The following TRAPPC10 variants were observed in gnomAD, a reference collection of about 807,000 sequenced individuals.
TRAPPC10 encodes the protein TRAPP 130 kDa subunit.
A neutral mutation model predicts 125.5 loss-of-function variants in TRAPPC10; 23 were observed. The ratio of observed to expected loss-of-function variants is 0.18; its 90% CI spans 0.13 to 0.26. The LOEUF (loss-of-function observed/expected upper bound fraction) is 0.26, where lower values mean the gene tolerates loss of function less well. TRAPPC10 is among the 10% of genes least tolerant of loss of function. The probability of loss-of-function intolerance (pLI) is 1.00; values close to 1 mark genes in which losing one functional copy is unlikely to be tolerated. For missense variants in TRAPPC10, 1,123 were observed against 1,308.4 expected, an observed-to-expected ratio of 0.86 and a Z score of 2.19; for synonymous variants, 509 against 518.0, an observed-to-expected ratio of 0.98 and a Z score of 0.24.
At chr21:44,061,025 C>T (rs924139092) in intron 6 of TRAPPC10, among the ~76,000 whole-genome samples, 20 of 151,984 alleles carry the variant, frequency 1.3e-4, no homozygotes, top group Non-Finnish European at 2.1e-4. Context: ...GCAACCTTCT[C>T]CTCCTGATTT....
At position 44,088,082 on chromosome 21, in the gene TRAPPC10, T is replaced by C. The variant is rs2038273729; in HGVS notation, c.2769+154T>C. ...TTTAGCAGTTCTGTCTGTCTGTGAA[T>C]CACCCTTTCTTAGATAAGGGGTGCA... On this transcript the variant is annotated intron_variant, in intron 17 of 22. Coordinates refer to ENST00000291574, the MANE Select transcript of TRAPPC10 (RefSeq NM_003274.5). The C allele has an allele frequency of 4.4e-6, 3 of 678,614 alleles. No individual in the cohort carries two copies. In the African/African-American group the frequency reaches 5.4e-5, roughly 12 times the overall value. 42.0% of individuals were successfully genotyped at this position (678,614 alleles called of 1,614,324 possible). A position where few individuals can be genotyped will look rare whatever the true frequency, so the allele number is the denominator to read the frequency against.
chr21:44,043,459 G>C lies in TRAPPC10; in HGVS notation c.285+5532G>C, dbSNP rs188285042. 1.2e-3 allele frequency among the ~76,000 whole-genome samples: 181 copies of C among 152,064 alleles called. No homozygotes were observed. The South Asian group carries it at 0.021, about 17-fold the overall frequency. On this transcript the variant is annotated intron_variant, in intron 3 of 22. Transcript: ENST00000291574. The stretch of plus-strand genomic sequence containing the variant: ...AAACTCCTGACCTCGTGATCCACCC[G>C]CCTCGGCATCCCAAAGTGCTGGGAT...
intron 5 of TRAPPC10, among the ~76,000 whole-genome samples, chr21:44,057,515 C>T (rs1291092994): frequency 6.6e-6 from 1 of 152,086 alleles, no homozygotes; most frequent in Non-Finnish European, 1.5e-5. Flanking sequence ...CCAGGCTGGT[C>T]TCAAACTCCT....
chr21:44,081,708 G>A (rs964285732), intron 13 of TRAPPC10, among the ~76,000 whole-genome samples: 13 of 152,220 alleles, frequency 8.5e-5, no homozygotes, highest in South Asian at 4.1e-4. Context: ...GCAACATGGC[G>A]AAACCCTGTC....
At chr21:44,061,086 C>T (rs1159515062) in intron 6 of TRAPPC10, among the ~76,000 whole-genome samples, 2 of 151,922 alleles carry the variant, frequency 1.3e-5, no homozygotes, top group South Asian at 2.1e-4. Flanking sequence ...TACAGGTGCG[C>T]ACCACCACGC....
chr21:44,092,099 T>C, intron 19 of TRAPPC10, 50 bp downstream of exon 19: 3 of 1,602,664 alleles, frequency 1.9e-6, no homozygotes, highest in Non-Finnish European at 2.6e-6. Context: ...AGAACCAGAG[T>C]GTACGGAAAT....
In TRAPPC10 at chr21:44,064,824, C is replaced by G. The variant is rs181508387; in HGVS notation, c.1038+1039C>G. Among the ~76,000 whole-genome samples, 500 of 152,258 alleles carry G rather than the reference C, an allele frequency of 3.3e-3. 3 individuals are homozygous for G. The highest frequency in any genetic ancestry group is 0.011 in the African/African-American group (473 of 41,536). Reference sequence around the variant, plus strand: ...CAGAGCTAAGCTCATTAGTACCTAGCCCAAGTCACAAACTCAGAAACTTAA... The same window carrying G: ...CAGAGCTAAGCTCATTAGTACCTAGGCCAAGTCACAAACTCAGAAACTTAA... On this transcript the variant is annotated intron_variant, in intron 7 of 22. Transcript: ENST00000291574.
At chr21:44,095,426 C>T (rs1365147896) in intron 20 of TRAPPC10, among the ~76,000 whole-genome samples, 3 of 150,338 alleles carry the variant, frequency 2.0e-5, no homozygotes, top group African/African-American at 7.4e-5. Flanking sequence ...TTTGTAGAGG[C>T]GGTGTTTCTC....
intron 7 of TRAPPC10, among the ~76,000 whole-genome samples, chr21:44,064,194 A>C (rs1329033644): frequency 6.6e-6 from 1 of 152,224 alleles, no homozygotes; most frequent in Non-Finnish European, 1.5e-5. Context: ...TTGTCTTTTC[A>C]GATAAATAGT....
chr21:44,012,389 G>T lies in TRAPPC10; in HGVS notation c.-105G>T. ...AACCGGCTCCGGAGCTGCCTGGCGC[G>T]GCCGGGCGGGCGGCGCCGCTCAGGC... On this transcript the variant is annotated 5_prime_UTR_variant, in exon 1 of 23. Coordinates refer to ENST00000291574, the MANE Select transcript of TRAPPC10 (RefSeq NM_003274.5). 2 of 616,966 alleles carry T rather than the reference G, an allele frequency of 3.2e-6. No homozygotes were observed. Among genetic ancestry groups the T allele is most frequent in the Non-Finnish European group, 4.1e-6 (2 of 492,096 alleles). 38.2% of individuals were successfully genotyped at this position (616,966 alleles called of 1,614,324 possible). A position where few individuals can be genotyped will look rare whatever the true frequency, so the allele number is the denominator to read the frequency against.
intron 1 of TRAPPC10, among the ~76,000 whole-genome samples, chr21:44,017,962 A>G (rs2032058450): frequency 6.6e-6 from 1 of 152,082 alleles, no homozygotes; most frequent in African/African-American, 2.4e-5. Context: ...GCCTAGGTAC[A>G]CAGTTTGGGA....
intron 20 of TRAPPC10, among the ~76,000 whole-genome samples, chr21:44,095,365 C>T (rs2038861210): frequency 6.6e-6 from 1 of 151,120 alleles, no homozygotes; most frequent in Non-Finnish European, 1.5e-5. Context: ...CCTGCCTCAG[C>T]CTCCTGCGTA....
intron 5 of TRAPPC10, among the ~76,000 whole-genome samples, chr21:44,058,280 C>T (rs937625430): frequency 4.6e-5 from 7 of 152,068 alleles, no homozygotes; most frequent in Non-Finnish European, 1.0e-4. Context: ...AGGAGGTGTT[C>T]CAGGCCATGG....
chr21:44,074,515 C>T (rs1231716649), intron 8 of TRAPPC10, 45 bp downstream of exon 8: 4 of 1,611,288 alleles, frequency 2.5e-6, no homozygotes, highest in Admixed American at 1.7e-5. Context: ...GTCTCTGCGG[C>T]CATGCCTGGG....
chr21:44,061,654 G>T (rs969584355), intron 6 of TRAPPC10, among the ~76,000 whole-genome samples: 12 of 152,110 alleles, frequency 7.9e-5, no homozygotes, highest in Admixed American at 3.9e-4. Flanking sequence ...GGCAATAACT[G>T]GTGCATACAT....
chr21:44,064,302 TATGTG>T (rs1374188036), intron 7 of TRAPPC10, among the ~76,000 whole-genome samples: 11 of 128,396 alleles, frequency 8.6e-5, no homozygotes, highest in Non-Finnish European at 7.8e-5. Flanking sequence ...ATGTCATAAA[TATGTG>T]TGTGTGTGTG....
At chr21:44,027,341 G>A (rs1281328053) in intron 1 of TRAPPC10, among the ~76,000 whole-genome samples, 2 of 152,134 alleles carry the variant, frequency 1.3e-5, no homozygotes, top group East Asian at 3.8e-4. Flanking sequence ...TTTTGTATGA[G>A]TAAGACCATC....
intron 5 of TRAPPC10, among the ~76,000 whole-genome samples, chr21:44,058,419 A>G (rs1227670530): frequency 2.6e-5 from 4 of 152,036 alleles, no homozygotes; most frequent in Non-Finnish European, 5.9e-5. Flanking sequence ...GGTGGGGGAC[A>G]TAGATTTTGC....
chr21:44,034,332 A>ACCCCCCCCCCCC (rs71197877), intron 2 of TRAPPC10, among the ~76,000 whole-genome samples: 5 of 101,548 alleles, frequency 4.9e-5, no homozygotes, highest in African/African-American at 7.0e-5. Flanking sequence ...CACTCCCCCA[A>ACCCCCCCCCCCC]CCCCCCCCCC....
Sources: allele counts gnomAD v4.1 joint callset (sites outside exome capture counted in the v4.1 genomes callset), GRCh38; gene constraint gnomAD v4.1.1; transcripts MANE v1.5; gene names NCBI Gene and HGNC (gene_info 2026-07-23, HGNC 2026-07-21).